The following COBL variants were observed in gnomAD, a reference collection of about 807,000 sequenced individuals.
COBL encodes cordon-bleu WH2 repeat protein.
In COBL, 51 loss-of-function variants were observed where a neutral mutation model predicts 98.8. The ratio of observed to expected loss-of-function variants is 0.52; its 90% confidence interval spans 0.41 to 0.65. COBL has a LOEUF of 0.65. Among genes scored for constraint, COBL ranks in the 30% least tolerant of loss-of-function variants. The pLI, the probability that COBL is intolerant of heterozygous loss-of-function variation, is 0.00. For missense variants in COBL, 1,617 were observed against 1,617.5 expected (o/e 1.00, Z 0.01); for synonymous variants, 634 against 651.7 (o/e 0.97, Z 0.41).
chr7:51,256,338 G>A (rs1019077406), intron 1 of COBL, among the ~76,000 whole-genome samples: 11 of 152,304 alleles, frequency 7.2e-5, no homozygotes, highest in African/African-American at 2.4e-4. Flanking sequence ...GCAGGAGCCC[G>A]GGTCCCACCA....
At position 51,098,220 on chromosome 7, in the gene COBL, G is replaced by GTTTTTTTTTTTTTTTTTTTTTTTTTTTT. The variant is rs1276606651; in HGVS notation, c.958-12917_958-12916insAAAAAAAAAAAAAAAAAAAAAAAAAAAA. On this transcript the variant is annotated intron_variant, in intron 6 of 12. Transcript: ENST00000265136. ...AATCACTACCAAAATCCCAATAGCA[G>GTTTTTTTTTTTTTTTTTTTTTTTTTTTT]TTTCTTTTTTTTTTTTGGAGAAATA... 1.0e-3 allele frequency among the ~76,000 whole-genome samples: 52 copies of GTTTTTTTTTTTTTTTTTTTTTTTTTTTT among 52,242 alleles called. 1 individual carries two copies. The highest frequency in any genetic ancestry group is 1.3e-3 in the Non-Finnish European group (37 of 28,122). The allele number at this position is 52,242 out of a possible 152,430, so 34.3% of individuals were successfully genotyped here.
intron 1 of COBL, among the ~76,000 whole-genome samples, chr7:51,266,687 T>C (rs1472804073): frequency 1.3e-5 from 2 of 152,202 alleles, no homozygotes; most frequent in African/African-American, 4.8e-5. Flanking sequence ...ACATGGCATA[T>C]GCAAGGGCTG....
chr7:51,098,224 C>CTTTTTTTTTTTTTTTT lies in COBL; in HGVS notation c.958-12921_958-12920insAAAAAAAAAAAAAAAA, dbSNP rs551768231. Among the ~76,000 whole-genome samples, 576 of 100,680 alleles carry CTTTTTTTTTTTTTTTT rather than the reference C, an allele frequency of 5.7e-3. 109 individuals are homozygous for CTTTTTTTTTTTTTTTT. Among genetic ancestry groups the CTTTTTTTTTTTTTTTT allele is most frequent in the African/African-American group, 0.024 (531 of 22,198 alleles). The allele number at this position is 100,680 out of a possible 152,430, so 66.0% of individuals were successfully genotyped here. On this transcript the variant is annotated intron_variant, in intron 6 of 12. Transcript: ENST00000265136. The stretch of plus-strand genomic sequence containing the variant: ...ACTACCAAAATCCCAATAGCAGTTT[C>CTTTTTTTTTTTTTTTT]TTTTTTTTTTTTGGAGAAATAGGAA...
intron 4 of COBL, among the ~76,000 whole-genome samples, chr7:51,188,159 C>T (rs975468586): frequency 1.3e-5 from 2 of 152,240 alleles, no homozygotes; most frequent in Non-Finnish European, 1.5e-5. Flanking sequence ...CCGCTGAGGA[C>T]GCAGGTGGCA....
At chr7:51,142,997 G>C (rs538850131) in intron 5 of COBL, among the ~76,000 whole-genome samples, 57 of 152,234 alleles carry the variant, frequency 3.7e-4, no homozygotes, top group African/African-American at 1.3e-3. Flanking sequence ...GCAGTGCATG[G>C]TGCAAACTTC....
chr7:51,162,093 T>C (rs1038557623), intron 5 of COBL, among the ~76,000 whole-genome samples: 3 of 152,194 alleles, frequency 2.0e-5, no homozygotes, highest in African/African-American at 7.2e-5. Context: ...TTAACCGGCA[T>C]CCACAACTGA....
chr7:51,269,504 G>A (rs947940156), intron 1 of COBL, among the ~76,000 whole-genome samples: 2 of 152,226 alleles, frequency 1.3e-5, no homozygotes, highest in Non-Finnish European at 2.9e-5. Flanking sequence ...TCTGGGTGGT[G>A]CATCGGCAGG....
intron 1 of COBL, among the ~76,000 whole-genome samples, chr7:51,293,283 T>C (rs1483803408): frequency 6.6e-6 from 1 of 152,244 alleles, no homozygotes; most frequent in Non-Finnish European, 1.5e-5. Flanking sequence ...AGGGAATACA[T>C]GTCCATACAA....
intron 7 of COBL, chr7:51,065,180 T>A: frequency 1.4e-6 from 1 of 702,636 alleles, no homozygotes; most frequent in East Asian, 2.7e-5. Context: ...ATTTCAGAGG[T>A]AGGTAAGACA....
chr7:51,114,133 G>T (rs965894648), intron 6 of COBL, among the ~76,000 whole-genome samples: 1 of 152,190 alleles, frequency 6.6e-6, no homozygotes, highest in Non-Finnish European at 1.5e-5. Flanking sequence ...GAGCCTGCTG[G>T]GGAGGTCTAA....
intron 1 of COBL, among the ~76,000 whole-genome samples, chr7:51,231,436 C>T (rs1794738857): frequency 6.6e-6 from 1 of 152,202 alleles, no homozygotes; most frequent in African/African-American, 2.4e-5. Flanking sequence ...AGCAGGGGTT[C>T]CTGGGGAGCC....
intron 7 of COBL, among the ~76,000 whole-genome samples, chr7:51,082,258 G>A (rs1228955864): frequency 6.6e-6 from 1 of 152,188 alleles, no homozygotes; most frequent in Non-Finnish European, 1.5e-5. Context: ...ATATTGCGCT[G>A]CTCCGTGTAC....
chr7:51,122,976 C>T (rs934140241), intron 6 of COBL, among the ~76,000 whole-genome samples: 2 of 117,162 alleles, frequency 1.7e-5, no homozygotes, highest in Non-Finnish European at 3.7e-5. Context: ...GAGCGAGACT[C>T]CATCTCAAAA....
intron 2 of COBL, among the ~76,000 whole-genome samples, chr7:51,195,171 C>A (rs1236154372): frequency 6.6e-6 from 1 of 152,164 alleles, no homozygotes. Flanking sequence ...AGTCTTTAAT[C>A]CATCTTGAGT....
intron 1 of COBL, among the ~76,000 whole-genome samples, chr7:51,281,680 A>G (rs1456083260): frequency 1.3e-5 from 2 of 152,026 alleles, no homozygotes; most frequent in East Asian, 3.9e-4. Context: ...ATGTTACTAT[A>G]TCCAGTAAAT....
chr7:51,289,140 T>C (rs2129184911), intron 1 of COBL, among the ~76,000 whole-genome samples: 1 of 152,336 alleles, frequency 6.6e-6, no homozygotes, highest in South Asian at 2.1e-4. Flanking sequence ...CAGCAACTGA[T>C]TGTTTCATAA....
intron 1 of COBL, among the ~76,000 whole-genome samples, chr7:51,315,406 A>C (rs1233687474): frequency 6.6e-6 from 1 of 152,244 alleles, no homozygotes; most frequent in East Asian, 1.9e-4. Context: ...AAAGTCTTTT[A>C]CACACTTGGG....
At chr7:51,229,549 C>A (rs1397723378) in intron 1 of COBL, among the ~76,000 whole-genome samples, 5 of 152,214 alleles carry the variant, frequency 3.3e-5, no homozygotes. Flanking sequence ...CAGGAGAAAG[C>A]CTAATTATTC....
chr7:51,176,123 C>G (rs1172974440), intron 5 of COBL, among the ~76,000 whole-genome samples: 1 of 152,136 alleles, frequency 6.6e-6, no homozygotes, highest in Non-Finnish European at 1.5e-5. Context: ...TGAAGTTTTT[C>G]TGGTGGCTCT....
Sources: allele counts gnomAD v4.1 joint callset (sites outside exome capture counted in the v4.1 genomes callset), GRCh38; gene constraint gnomAD v4.1.1; transcripts MANE v1.5; gene names NCBI Gene and HGNC (gene_info 2026-07-23, HGNC 2026-07-21).